Variants in ICA1 observed in about 807,000 individuals in gnomAD.
ICA1 encodes the protein 69 kDa islet cell autoantigen.
ICA1 carries 40 observed loss-of-function variants against 71.0 expected under a neutral mutation model. The observed-to-expected ratio is 0.56, with a 90% CI of 0.44 to 0.73. The LOEUF (loss-of-function observed/expected upper bound fraction) is 0.73, where lower values mean the gene tolerates loss of function less well. Among genes scored for constraint, ICA1 ranks in the 30% least tolerant of loss-of-function variants. The probability of loss-of-function intolerance (pLI) is 0.00; values close to 1 mark genes in which losing one functional copy is unlikely to be tolerated. For missense variants in ICA1, 578 were observed against 576.5 expected (o/e 1.00, Z -0.03); for synonymous variants, 207 against 209.5 (o/e 0.99, Z 0.10).
At chr7:8,145,386 G>C (rs148657766) in intron 8 of ICA1, among the ~76,000 whole-genome samples, 51 of 151,954 alleles carry the variant, frequency 3.4e-4, no homozygotes, top group African/African-American at 1.1e-3. Context: ...TCCTGTCTTT[G>C]TTCATTCTGC....
chr7:8,239,530 A>G (rs1416495667), intron 1 of ICA1, among the ~76,000 whole-genome samples: 1 of 152,200 alleles, frequency 6.6e-6, no homozygotes, highest in Non-Finnish European at 1.5e-5. Context: ...TACCTGGTTC[A>G]TCTCATTGGG....
intron 6 of ICA1, among the ~76,000 whole-genome samples, chr7:8,189,620 A>G (rs981150065): frequency 6.6e-6 from 1 of 151,922 alleles, no homozygotes; most frequent in African/African-American, 2.4e-5. Flanking sequence ...AAGCCTATTT[A>G]CCCCATAGCT....
intron 6 of ICA1, among the ~76,000 whole-genome samples, chr7:8,168,591 G>C (rs1391917749): frequency 6.6e-6 from 1 of 152,096 alleles, no homozygotes; most frequent in Admixed American, 6.6e-5. Flanking sequence ...CAACAATGTT[G>C]ATCTTATCAG....
chr7:8,113,872 C>T lies in ICA1; in HGVS notation c.*51G>A, dbSNP rs1408080544. On this transcript the variant is annotated 3_prime_UTR_variant, in exon 14 of 14. Coordinates refer to ENST00000402384, the MANE Select transcript of ICA1 (RefSeq NM_001136020.3). The surrounding 1 kb of genome is among the most constrained non-coding windows in gnomAD (Gnocchi z 4.2). ...ATCACTTTATACTTCTGCTAGCCCC[C>T]AGGGGAGCTGCTGGGGGCGGCATGT... 1.2e-6 allele frequency: 2 copies of T among 1,607,154 alleles called. No homozygotes were observed. The highest frequency in any genetic ancestry group is 2.2e-5 in the East Asian group (1 of 44,832).
At chr7:8,155,471 C>T (rs896888245) in intron 8 of ICA1, among the ~76,000 whole-genome samples, 2 of 152,194 alleles carry the variant, frequency 1.3e-5, no homozygotes, top group African/African-American at 4.8e-5. Flanking sequence ...TGGGTTCTTC[C>T]ATGCTTGTGG....
At chr7:8,225,444 G>A (rs1225840782) in intron 4 of ICA1, among the ~76,000 whole-genome samples, 1 of 152,118 alleles carries the variant, frequency 6.6e-6, no homozygotes, top group African/African-American at 2.4e-5. Context: ...ACTTCCTTAT[G>A]TTCTAGTGCT....
chr7:8,160,329 A>C (rs1803295854), intron 6 of ICA1, among the ~76,000 whole-genome samples: 1 of 152,182 alleles, frequency 6.6e-6, no homozygotes, highest in South Asian at 2.1e-4. Context: ...AGTGAATACA[A>C]TTTACTTATC....
chr7:8,175,792 A>G (rs890682211), intron 6 of ICA1, among the ~76,000 whole-genome samples: 1 of 152,194 alleles, frequency 6.6e-6, no homozygotes, highest in African/African-American at 2.4e-5. Flanking sequence ...CTAGGAATAT[A>G]TCAAATGTTG....
chr7:8,125,315 C>T (rs1168441543), intron 13 of ICA1, among the ~76,000 whole-genome samples: 1 of 152,232 alleles, frequency 6.6e-6, no homozygotes, highest in African/African-American at 2.4e-5. Context: ...GAGCATCCCT[C>T]CCCCTTGCTT....
intron 1 of ICA1, among the ~76,000 whole-genome samples, chr7:8,257,227 C>T (rs907403386): frequency 6.6e-6 from 1 of 152,208 alleles, no homozygotes; most frequent in Non-Finnish European, 1.5e-5. Flanking sequence ...GTTCCTATGA[C>T]TAAGGAGAGG....
chr7:8,228,296 TA>T (rs3840617), intron 4 of ICA1, among the ~76,000 whole-genome samples: 2 of 110,172 alleles, frequency 1.8e-5, no homozygotes, highest in Non-Finnish European at 3.1e-5. Flanking sequence ...ATAATCACAT[TA>T]AAAAAAAACC....
At position 8,147,880 on chromosome 7, in the gene ICA1, A is replaced by G. The variant is rs114926332; in HGVS notation, c.805-3908T>C. 9.0e-3 allele frequency among the ~76,000 whole-genome samples: 1,370 copies of G among 152,190 alleles called. 11 individuals carry two copies. Among genetic ancestry groups the G allele is most frequent in the African/African-American group, 0.031 (1,298 of 41,516 alleles). On this transcript the variant is annotated intron_variant, in intron 8 of 13. Coordinates refer to ENST00000402384, the MANE Select transcript of ICA1 (RefSeq NM_001136020.3). ...GATTTCCTGGCTCGGGGCCACTGTC[A>G]GGGTGGAGTTTGCACATTCTGCCCA... is the stretch of plus-strand genomic sequence containing the variant.
chr7:8,228,583 T>A lies in ICA1; in HGVS notation c.256+18A>T, dbSNP rs1799336488. 6.8e-7 allele frequency: 1 copy of A among 1,481,026 alleles called. No homozygotes were observed. The highest frequency in any genetic ancestry group is 9.3e-7 in the Non-Finnish European group (1 of 1,073,926). 91.7% of individuals were successfully genotyped at this position (1,481,026 alleles called of 1,614,324 possible). ...TTTCTTACTATTTGATCAATATTCA[T>A]ACTGATGTCATACTTACAACATATC... On this transcript the variant is annotated intron_variant, in intron 4 of 13. Transcript: ENST00000402384.
chr7:8,242,979 C>T (rs1303315961), intron 1 of ICA1, among the ~76,000 whole-genome samples: 1 of 152,146 alleles, frequency 6.6e-6, no homozygotes, highest in Non-Finnish European at 1.5e-5. Flanking sequence ...CCGAATTCTA[C>T]CAGAGGTACA....
chr7:8,205,730 A>G (rs1287507230), intron 6 of ICA1, among the ~76,000 whole-genome samples: 2 of 152,248 alleles, frequency 1.3e-5, no homozygotes, highest in African/African-American at 4.8e-5. Flanking sequence ...AAGACTCCCA[A>G]AGAAAAGGAA....
At position 8,226,212 on chromosome 7, in the gene ICA1, T is replaced by C. The variant is rs1798553407; in HGVS notation, c.256+2389A>G. Among the ~76,000 whole-genome samples the C allele has an allele frequency of 6.6e-6, 1 of 152,140 alleles. No homozygotes were observed. The highest frequency in any genetic ancestry group is 1.5e-5 in the Non-Finnish European group (1 of 68,014). On this transcript the variant is annotated intron_variant, in intron 4 of 13. Coordinates refer to ENST00000402384, the MANE Select transcript of ICA1 (RefSeq NM_001136020.3). The surrounding 1 kb of genome is among the most constrained non-coding windows in gnomAD (Gnocchi z 4.4). ...GTATCTCATAGCTCCCTCTTCACCT[T>C]TGCTCCTCCATTCTCATTCCCTCCT...
In ICA1 at chr7:8,225,451, T is replaced by C. The variant is rs145718487; in HGVS notation, c.256+3150A>G. ...TTTCAAGCACTTCCTTATGTTCTAG[T>C]GCTACAAACAATATAGGTGCATCTT... On this transcript the variant is annotated intron_variant, in intron 4 of 13. Transcript: ENST00000402384. 9.2e-3 allele frequency among the ~76,000 whole-genome samples: 1,401 copies of C among 152,314 alleles called. 16 individuals are homozygous for C. Among genetic ancestry groups the C allele is most frequent in the African/African-American group, 0.03 (1,256 of 41,572 alleles).
Position 8,234,715 on chromosome 7 carries a change from G to A in ICA1, c.17+1195C>T, listed in dbSNP as rs538476636. ...TTATATCTTTCTGCATTATTTAAAA[G>A]TCGTATTATGAGCTCATATCAGAGA... On this transcript the variant is annotated intron_variant, in intron 2 of 13. Transcript: ENST00000402384. This position sits in a 1 kb window ranked among gnomAD's most constrained non-coding sequence, Gnocchi z 4.5. 3.9e-5 allele frequency among the ~76,000 whole-genome samples: 6 copies of A among 152,264 alleles called. No homozygotes were observed. In the East Asian group the frequency reaches 1.2e-3, roughly 29 times the overall value.
At position 8,180,822 on chromosome 7, in the gene ICA1, G is replaced by A. The variant is rs537216732; in HGVS notation, c.580-22170C>T. 1.3e-4 allele frequency among the ~76,000 whole-genome samples: 19 copies of A among 151,334 alleles called. No individual in the cohort carries two copies. The East Asian group carries it at 2.3e-3, about 19-fold the overall frequency. ...TTTGTCCATTTTTTCACGAGGTGGCGGCCAGTCTCTCTCTCTTTTTTTTTT... is the reference window on the plus strand; with the variant it reads ...TTTGTCCATTTTTTCACGAGGTGGCAGCCAGTCTCTCTCTCTTTTTTTTTT... On this transcript the variant is annotated intron_variant, in intron 6 of 13. Transcript: ENST00000402384.
Sources: gnomAD v4.1 joint callset for allele counts (sites outside exome capture counted in the v4.1 genomes callset) on GRCh38, gnomAD v4.1.1 for gene constraint, Gnocchi (gnomAD v3.1) non-coding constraint, MANE v1.5 for transcripts, NCBI Gene and HGNC (gene_info 2026-07-23, HGNC 2026-07-21) for gene names.